The following MTUS2 variants were observed in gnomAD, a reference collection of about 807,000 sequenced individuals.
MTUS2 encodes microtubule-associated tumor suppressor candidate 2.
MTUS2 carries 40 observed loss-of-function variants against 114.1 expected under a neutral mutation model. The ratio of observed to expected loss-of-function variants is 0.35; its 90% confidence interval spans 0.27 to 0.46. The LOEUF is 0.46. Ranked by LOEUF, MTUS2 falls within the 20% of genes least tolerant of loss-of-function variation. The pLI, the probability that MTUS2 is intolerant of heterozygous loss-of-function variation, is 1.00. For synonymous variants in MTUS2, 688 were observed against 672.0 expected (o/e 1.02, Z -0.37); for missense variants, 1,679 against 1,705.4 (o/e 0.98, Z 0.27).
intron 9 of MTUS2, among the ~76,000 whole-genome samples, chr13:29,477,392 CT>C (rs1566224512): frequency 6.6e-6 from 1 of 152,162 alleles, no homozygotes; most frequent in African/African-American, 2.4e-5. Context: ...ATCCTGATTA[CT>C]TTTTCTTAGT....
At chr13:28,916,670 G>A (rs1201210040) in intron 2 of MTUS2, among the ~76,000 whole-genome samples, 3 of 151,020 alleles carry the variant, frequency 2.0e-5, no homozygotes, top group African/African-American at 7.3e-5. Context: ...GGATTTTTGT[G>A]GCGTCTTTAG....
chr13:29,110,102 C>A (rs1387396657), intron 5 of MTUS2, among the ~76,000 whole-genome samples: 1 of 152,212 alleles, frequency 6.6e-6, no homozygotes, highest in Non-Finnish European at 1.5e-5. Flanking sequence ...CTATGGCGTG[C>A]CTTCAGCACA....
At chr13:28,900,139 C>T (rs149000156) in intron 2 of MTUS2, among the ~76,000 whole-genome samples, 1 of 152,368 alleles carries the variant, frequency 6.6e-6, no homozygotes, top group Admixed American at 6.5e-5. Flanking sequence ...TTGCTCACCT[C>T]AGCCTCCCAA....
chr13:29,338,292 A>G (rs1396386964), intron 7 of MTUS2, among the ~76,000 whole-genome samples: 1 of 152,096 alleles, frequency 6.6e-6, no homozygotes, highest in Admixed American at 6.6e-5. Context: ...GGTATTATCT[A>G]AAAAATATTT....
chr13:29,039,435 G>A (rs74041711), intron 4 of MTUS2, among the ~76,000 whole-genome samples: 8,072 of 152,294 alleles, frequency 0.053, 258 homozygotes, highest in South Asian at 0.071. Flanking sequence ...GGGCTAGGCC[G>A]GCGCGTCACG....
intron 9 of MTUS2, among the ~76,000 whole-genome samples, chr13:29,457,549 T>A (rs1049191897): frequency 6.6e-6 from 1 of 152,166 alleles, no homozygotes; most frequent in Non-Finnish European, 1.5e-5. Context: ...CTTCTGCTGG[T>A]AGACATGTGG....
intron 10 of MTUS2, 42 bp from the exon 11 acceptor site, chr13:29,487,858 A>G (rs375317801): frequency 1.4e-6 from 2 of 1,471,910 alleles, no homozygotes; most frequent in Admixed American, 3.3e-5. Context: ...TCTGTTCTCC[A>G]AGCAGCTCTC....
intron 7 of MTUS2, among the ~76,000 whole-genome samples, chr13:29,334,180 T>C (rs1335430030): frequency 6.6e-6 from 1 of 152,212 alleles, no homozygotes; most frequent in Non-Finnish European, 1.5e-5. Context: ...CTGTGTCTTT[T>C]AACTGGGGCA....
At chr13:29,449,115 A>G (rs957656235) in intron 9 of MTUS2, among the ~76,000 whole-genome samples, 2 of 152,130 alleles carry the variant, frequency 1.3e-5, no homozygotes, top group African/African-American at 4.8e-5. Context: ...AGTTAAATCC[A>G]TGTTTTGATT....
intron 5 of MTUS2, among the ~76,000 whole-genome samples, chr13:29,252,585 G>A (rs1897159134): frequency 6.6e-6 from 1 of 152,120 alleles, no homozygotes; most frequent in African/African-American, 2.4e-5. Context: ...ATATGGTTTG[G>A]CTGTGTCCTC....
intron 9 of MTUS2, among the ~76,000 whole-genome samples, chr13:29,456,815 A>G (rs779960788): frequency 4.6e-5 from 7 of 152,212 alleles, no homozygotes; most frequent in Non-Finnish European, 7.3e-5. Context: ...AATAATTAAG[A>G]TGGTCAAAAT....
chr13:29,218,528 C>A (rs1295676543), intron 5 of MTUS2, among the ~76,000 whole-genome samples: 1 of 152,206 alleles, frequency 6.6e-6, no homozygotes, highest in Non-Finnish European at 1.5e-5. Flanking sequence ...TTGCCCAGAT[C>A]CATTAAGGGA....
At chr13:29,110,507 C>A (rs936650456) in intron 5 of MTUS2, among the ~76,000 whole-genome samples, 87 of 151,504 alleles carry the variant, frequency 5.7e-4, no homozygotes, top group African/African-American at 2.1e-3. Context: ...ATCTAGTTCC[C>A]TGGAATCTGT....
chr13:29,355,443 G>A (rs1869658362), intron 7 of MTUS2, among the ~76,000 whole-genome samples: 1 of 152,228 alleles, frequency 6.6e-6, no homozygotes, highest in Non-Finnish European at 1.5e-5. Context: ...TTTAGAGTAT[G>A]CACCCAAACC....
intron 5 of MTUS2, among the ~76,000 whole-genome samples, chr13:29,212,154 G>T (rs9314940): frequency 6.7e-6 from 1 of 150,226 alleles, no homozygotes; most frequent in African/African-American, 2.4e-5. Context: ...TCTTCATTGA[G>T]TTCAAAATAT....
chr13:29,258,183 T>A (rs547195873), intron 5 of MTUS2, among the ~76,000 whole-genome samples: 1 of 152,236 alleles, frequency 6.6e-6, no homozygotes. Flanking sequence ...CTCCAGGCTC[T>A]GGGGAATAAT....
intron 2 of MTUS2, among the ~76,000 whole-genome samples, chr13:28,886,765 C>G (rs567988551): frequency 6.6e-6 from 1 of 152,302 alleles, no homozygotes; most frequent in East Asian, 1.9e-4. Flanking sequence ...CACAGACTTA[C>G]AAAGTACACG....
At chr13:28,820,049 C>T (rs1873777723), upstream of MTUS2, among the ~76,000 whole-genome samples, 1 of 147,036 alleles carries the variant, frequency 6.8e-6, no homozygotes, top group African/African-American at 2.4e-5. Context: ...CGCCCGGCCA[C>T]TGTCACCGCG....
Position 29,481,039 on chromosome 13 carries a change from G to T in MTUS2, c.3399+675G>T, listed in dbSNP as rs113435150. ...GGAAAAGCCAGGGTTCAGCCAGTCT[G>T]GTTCCACACCCCTGCTGTCAGCCAC... On this transcript the variant is annotated intron_variant, in intron 10 of 15. Transcript: ENST00000612955. 2.4e-3 allele frequency among the ~76,000 whole-genome samples: 369 copies of T among 152,310 alleles called. 2 individuals are homozygous for T. The highest frequency in any genetic ancestry group is 8.4e-3 in the African/African-American group (350 of 41,574).
Sources: allele counts gnomAD v4.1 joint callset (sites outside exome capture counted in the v4.1 genomes callset), GRCh38; gene constraint gnomAD v4.1.1; transcripts MANE v1.5; gene names NCBI Gene and HGNC (gene_info 2026-07-23, HGNC 2026-07-21).